Variants in CFAP47 observed in about 807,000 individuals in gnomAD.
CFAP47 encodes the protein cilia- and flagella-associated protein 47.
A neutral mutation model predicts 148.1 loss-of-function variants in CFAP47; 29 were observed. That is an observed-to-expected ratio of 0.20 (90% CI 0.15 to 0.27). CFAP47 has a LOEUF of 0.27. Ranked by LOEUF, CFAP47 falls within the 10% of genes least tolerant of loss-of-function variation. The pLI is 1.00. For missense variants in CFAP47, 1,872 were observed against 1,697.5 expected, an observed-to-expected ratio of 1.10 and a Z score of -1.81; for synonymous variants, 664 against 577.3, an observed-to-expected ratio of 1.15 and a Z score of -2.15.
chrX:36,073,815 T>C (rs1444638045), intron 29 of CFAP47, among the ~76,000 whole-genome samples: 1 of 112,072 alleles, frequency 8.9e-6, no homozygotes, highest in Non-Finnish European at 1.9e-5. Context: ...GCTGTTTTGT[T>C]ACTCAGTATG....
chrX:36,217,945 C>A (rs1219233255), intron 45 of CFAP47, among the ~76,000 whole-genome samples: 1 of 111,631 alleles, frequency 9.0e-6, no homozygotes, highest in Non-Finnish European at 1.9e-5. Flanking sequence ...TCTGTTAGGT[C>A]TTCAGTGGTA....
chrX:36,329,009 A>G (rs1273184405), intron 57 of CFAP47, among the ~76,000 whole-genome samples: 3 of 111,276 alleles, frequency 2.7e-5, no homozygotes, highest in Non-Finnish European at 5.7e-5. Context: ...AATACAAAAT[A>G]TATAATTCAT....
intron 19 of CFAP47, among the ~76,000 whole-genome samples, chrX:35,998,584 C>G (rs1367531711): frequency 8.9e-6 from 1 of 111,735 alleles, no homozygotes; most frequent in Non-Finnish European, 1.9e-5. Context: ...ATAAAGAGGT[C>G]AGCTTGCTGC....
chrX:36,072,940 C>T (rs1022805732), intron 28 of CFAP47, among the ~76,000 whole-genome samples, 199 bp from the exon 29 acceptor site: 2 of 111,508 alleles, frequency 1.8e-5, no homozygotes, highest in African/African-American at 3.3e-5. Flanking sequence ...ATTGTTAAAA[C>T]GTTTCTCTTA....
At chrX:36,271,953 G>T (rs1332508275) in intron 49 of CFAP47, among the ~76,000 whole-genome samples, 11 of 111,850 alleles carry the variant, frequency 9.8e-5, no homozygotes, top group Admixed American at 6.7e-4. Flanking sequence ...ATCAATTTGA[G>T]AGTAAAAATT....
At chrX:35,989,623 C>A in intron 16 of CFAP47, 174 bp downstream of exon 16, 4 of 1,031,837 alleles carry the variant, frequency 3.9e-6, no homozygotes, top group Non-Finnish European at 5.1e-6. Context: ...ATCATGGGAG[C>A]CATTGAAATG....
chrX:36,112,554 G>C (rs1938573332), intron 33 of CFAP47, among the ~76,000 whole-genome samples: 1 of 111,582 alleles, frequency 9.0e-6, no homozygotes, highest in African/African-American at 3.3e-5. Context: ...GTGTCATGTG[G>C]CAATTAGAAG....
At chrX:36,121,225 C>G (rs1938737042) in intron 33 of CFAP47, among the ~76,000 whole-genome samples, 1 of 110,711 alleles carries the variant, frequency 9.0e-6, no homozygotes, top group South Asian at 3.8e-4. Context: ...TTTTTCCACC[C>G]CTTTATAATT....
chrX:36,063,633 T>C (rs1355946231), intron 26 of CFAP47, among the ~76,000 whole-genome samples: 1 of 112,128 alleles, frequency 8.9e-6, no homozygotes, highest in Non-Finnish European at 1.9e-5. Flanking sequence ...CGTTAATTCT[T>C]TACCATTTTA....
At chrX:35,967,201 T>G (rs1427949121) in intron 9 of CFAP47, among the ~76,000 whole-genome samples, 5 of 111,134 alleles carry the variant, frequency 4.5e-5, no homozygotes. Context: ...TATTTTATTC[T>G]TCTTAGTTTT....
In CFAP47 at chrX:36,073,332, C is replaced by T. The variant is rs1210519881; in HGVS notation, c.4659C>T (p.Pro1553=). 1.7e-6 allele frequency: 2 copies of T among 1,206,392 alleles called. No homozygotes were observed. The highest frequency in any genetic ancestry group is 2.2e-6 in the Non-Finnish European group (2 of 891,319). ...GTCTCTTTGGCTGGCCTGAAGGACC[C>T]CATTCTTTTTCTATTCCAGAGACTA... The part of the protein sequence containing the change: ...WFSLFGWPEG[P]HSFSIPETIR... The change falls in exon 29 of 64, where the codon CCC becomes CCT. Residue 1553 remains proline, a synonymous_variant. Coordinates refer to ENST00000378653, the MANE Select transcript of CFAP47 (RefSeq NM_001304548.2).
chrX:36,200,574 A>T, intron 43 of CFAP47, 81 bp downstream of exon 43: 1 of 288,705 alleles, frequency 3.5e-6, no homozygotes, highest in Non-Finnish European at 6.1e-6. Context: ...GCATACTCAT[A>T]GCAAGCTTCT....
At chrX:36,352,694 A>G (rs1556017691) in intron 59 of CFAP47, among the ~76,000 whole-genome samples, 2 of 110,580 alleles carry the variant, frequency 1.8e-5, no homozygotes, top group African/African-American at 6.5e-5. Context: ...TACAGAGCTA[A>G]TGTCAAAATA....
intron 56 of CFAP47, among the ~76,000 whole-genome samples, chrX:36,316,727 A>T (rs1941436821): frequency 8.9e-6 from 1 of 112,170 alleles, no homozygotes; most frequent in Admixed American, 9.5e-5. Context: ...TTTTTGTGAC[A>T]TACCCAACTT....
At chrX:36,149,735 A>G (rs1224220099) in intron 37 of CFAP47, among the ~76,000 whole-genome samples, 1 of 107,862 alleles carries the variant, frequency 9.3e-6, no homozygotes, top group Non-Finnish European at 1.9e-5. Flanking sequence ...CAGCCTCCCA[A>G]GTAGCTGGGA....
intron 36 of CFAP47, among the ~76,000 whole-genome samples, chrX:36,147,975 T>TAAA (rs112172539): frequency 3.6e-5 from 4 of 109,792 alleles, no homozygotes; most frequent in African/African-American, 1.3e-4. Context: ...TCTTGTTAAA[T>TAAA]AAAAAAAAAT....
chrX:36,108,521 C>G (rs1938501109), intron 33 of CFAP47, among the ~76,000 whole-genome samples: 1 of 111,690 alleles, frequency 9.0e-6, no homozygotes, highest in Admixed American at 9.5e-5. Context: ...TTTTTTCTAG[C>G]TCTTCTGTCA....
chrX:36,144,212 G>T (rs1158836762), intron 35 of CFAP47, among the ~76,000 whole-genome samples: 4 of 111,126 alleles, frequency 3.6e-5, no homozygotes, highest in Non-Finnish European at 5.7e-5. Context: ...TTAACTTCAG[G>T]AGTAATAGTC....
intron 61 of CFAP47, among the ~76,000 whole-genome samples, chrX:36,364,939 TATATAC>T (rs1212917665): frequency 3.9e-5 from 3 of 77,186 alleles, no homozygotes; most frequent in East Asian, 4.5e-4. Context: ...TATATATATA[TATATAC>T]ACACACACAC....
Sources: allele counts gnomAD v4.1 joint callset (sites outside exome capture counted in the v4.1 genomes callset), GRCh38; gene constraint gnomAD v4.1.1; transcripts MANE v1.5; gene names NCBI Gene and HGNC (gene_info 2026-07-23, HGNC 2026-07-21).